The following DOCK4 variants were observed in gnomAD, a reference collection of about 807,000 sequenced individuals.
DOCK4 encodes the protein dedicator of cytokinesis 4.
In DOCK4, 97 loss-of-function variants were observed where a neutral mutation model predicts 268.1. That is an observed-to-expected ratio of 0.36 (90% confidence interval 0.31 to 0.43). DOCK4 has a LOEUF of 0.43. Ranked by LOEUF, DOCK4 falls within the 20% of genes least tolerant of loss-of-function variation. The probability of loss-of-function intolerance (pLI) is 1.00; values close to 1 mark genes in which losing one functional copy is unlikely to be tolerated. For synonymous variants in DOCK4, 954 were observed against 887.2 expected (o/e 1.08, Z -1.34); for missense variants, 2,145 against 2,455.7 (o/e 0.87, Z 2.67).
chr7:112,188,109 G>C (rs757193), intron 1 of DOCK4, among the ~76,000 whole-genome samples: 1 of 152,198 alleles, frequency 6.6e-6, no homozygotes, highest in Non-Finnish European at 1.5e-5. Context: ...ACAGAACCAA[G>C]TACTATAGGG....
intron 12 of DOCK4, among the ~76,000 whole-genome samples, chr7:111,919,383 C>A (rs1792909059): frequency 6.6e-6 from 1 of 151,820 alleles, no homozygotes. Context: ...CAGAGAGGAC[C>A]CATTTAGGAG....
intron 40 of DOCK4, among the ~76,000 whole-genome samples, chr7:111,759,227 G>A (rs1036433691): frequency 3.3e-5 from 5 of 152,122 alleles, no homozygotes; most frequent in African/African-American, 1.2e-4. Flanking sequence ...AAATACCTAT[G>A]CAACCATGAC....
chr7:111,728,388 G>A lies in DOCK4; in HGVS notation c.5814C>T (p.Pro1938=), dbSNP rs1585793609. ...CTGCCAGAGGCTTGGGGGGCAGCGCGGGCGGCTCCGACGTGACGGGGATGG... is the reference window on the plus strand; with the variant it reads ...CTGCCAGAGGCTTGGGGGGCAGCGCAGGCGGCTCCGACGTGACGGGGATGG... ...SLSIPVTSEP[P]ALPPKPLAAR... Residue 1938 remains proline (P), a synonymous_variant, in exon 53 of 53, where the codon CCC becomes CCT. Transcript: ENST00000428084. The A allele has an allele frequency of 5.1e-6, 8 of 1,553,988 alleles. No homozygotes were observed. Among genetic ancestry groups the A allele is most frequent in the African/African-American group, 4.1e-5 (3 of 73,670 alleles).
rs140696584 is a variant in DOCK4 at position 111,920,458 on chromosome 7, T to G, written c.1067-4554A>C. Among the ~76,000 whole-genome samples the G allele has an allele frequency of 8.3e-4, 127 of 152,298 alleles. 1 individual carries two copies. The East Asian group carries it at 0.022, about 27-fold the overall frequency. On this transcript the variant is annotated intron_variant, in intron 12 of 52. Coordinates refer to ENST00000428084, the MANE Select transcript of DOCK4 (RefSeq NM_001363540.2). ...AGCTGGGGCAAAAAAGACAAATATT[T>G]ACACATTCCAATTACCTGAGATTAG... is the stretch of plus-strand genomic sequence containing the variant.
chr7:112,106,618 C>T (rs1586834555), intron 1 of DOCK4, among the ~76,000 whole-genome samples: 1 of 152,194 alleles, frequency 6.6e-6, no homozygotes, highest in East Asian at 1.9e-4. Flanking sequence ...CATAAGTATT[C>T]CCAAGGAACA....
At chr7:112,190,972 C>G (rs1414665344) in intron 1 of DOCK4, among the ~76,000 whole-genome samples, 1 of 152,218 alleles carries the variant, frequency 6.6e-6, no homozygotes, top group Non-Finnish European at 1.5e-5. Flanking sequence ...ATCAGAACCA[C>G]AAGCCTCAGA....
At chr7:111,827,971 T>A in intron 26 of DOCK4, among the ~76,000 whole-genome samples, 1 of 152,150 alleles carries the variant, frequency 6.6e-6, no homozygotes, top group Middle Eastern at 3.2e-3. Context: ...TCATGTATAA[T>A]CTTGTGCTTA....
chr7:112,003,429 A>C (rs1476021370), intron 2 of DOCK4, among the ~76,000 whole-genome samples: 1 of 152,172 alleles, frequency 6.6e-6, no homozygotes, highest in East Asian at 1.9e-4. Context: ...ATTTGATCAG[A>C]AATCTTTTTA....
intron 12 of DOCK4, among the ~76,000 whole-genome samples, chr7:111,919,611 G>A (rs932495540): frequency 3.3e-5 from 5 of 152,186 alleles, no homozygotes; most frequent in African/African-American, 7.2e-5. Context: ...GCCAAGTGAT[G>A]ATAATGGGGG....
intron 35 of DOCK4, among the ~76,000 whole-genome samples, chr7:111,781,099 C>T (rs1798760808): frequency 6.6e-6 from 1 of 152,038 alleles, no homozygotes; most frequent in Non-Finnish European, 1.5e-5. Context: ...TTCTTTTATA[C>T]CAATTGTGGA....
intron 8 of DOCK4, among the ~76,000 whole-genome samples, chr7:111,956,207 C>T: frequency 6.6e-6 from 1 of 152,130 alleles, no homozygotes; most frequent in Non-Finnish European, 1.5e-5. Flanking sequence ...ACCTTTCTAA[C>T]ATCTTTTCAT....
intron 1 of DOCK4, among the ~76,000 whole-genome samples, chr7:112,167,787 C>T (rs984904076): frequency 2.0e-5 from 3 of 152,100 alleles, no homozygotes; most frequent in African/African-American, 7.2e-5. Flanking sequence ...AAATAAAGTA[C>T]TATACTAAAT....
At chr7:112,136,319 A>C (rs1814341627) in intron 1 of DOCK4, among the ~76,000 whole-genome samples, 1 of 152,178 alleles carries the variant, frequency 6.6e-6, no homozygotes. Context: ...TCACATTTGC[A>C]ATCCCAGAGT....
chr7:111,763,918 T>A (rs1374020338), intron 39 of DOCK4, among the ~76,000 whole-genome samples: 1 of 152,234 alleles, frequency 6.6e-6, no homozygotes, highest in Non-Finnish European at 1.5e-5. Context: ...GGTCTGGAAC[T>A]GTGCTCAAGT....
intron 12 of DOCK4, among the ~76,000 whole-genome samples, chr7:111,929,477 A>G (rs970377515): frequency 4.6e-5 from 7 of 152,238 alleles, no homozygotes; most frequent in East Asian, 3.8e-4. Context: ...GGTGGTGCCA[A>G]TAAGTACTAC....
chr7:112,172,442 G>A (rs1256448585), intron 1 of DOCK4, among the ~76,000 whole-genome samples: 4 of 152,158 alleles, frequency 2.6e-5, no homozygotes, highest in Non-Finnish European at 2.9e-5. Flanking sequence ...CTAGTGGGAA[G>A]TGAACTATTA....
intron 36 of DOCK4, among the ~76,000 whole-genome samples, chr7:111,772,456 A>G (rs907889557): frequency 6.6e-6 from 1 of 152,188 alleles, no homozygotes; most frequent in African/African-American, 2.4e-5. Context: ...TGAACTGTAC[A>G]CTTAAAAATG....
At chr7:111,771,075 T>TTC (rs1237122832) in intron 36 of DOCK4, among the ~76,000 whole-genome samples, 7 of 152,254 alleles carry the variant, frequency 4.6e-5, no homozygotes, top group Non-Finnish European at 7.3e-5. Context: ...CAATATGAAC[T>TTC]TCTTTCAATG....
chr7:112,039,380 G>T (rs60589023), intron 1 of DOCK4, among the ~76,000 whole-genome samples: 1 of 141,376 alleles, frequency 7.1e-6, no homozygotes, highest in South Asian at 2.6e-4. Flanking sequence ...ATATGGGGGG[G>T]GGGGCTTAAA....
Sources: gnomAD v4.1 joint callset for allele counts (sites outside exome capture counted in the v4.1 genomes callset) on GRCh38, gnomAD v4.1.1 for gene constraint, MANE v1.5 for transcripts, NCBI Gene and HGNC (gene_info 2026-07-23, HGNC 2026-07-21) for gene names.